The following CFAP221 variants were observed in gnomAD, a reference collection of about 807,000 sequenced individuals.
The protein encoded by CFAP221 is cilia- and flagella-associated protein 221.
Under a neutral mutation model 113.1 loss-of-function variants are expected in CFAP221, and 97 were observed. That is an observed-to-expected ratio of 0.86 (90% CI 0.73 to 1.02). The LOEUF (loss-of-function observed/expected upper bound fraction) is 1.02, where lower values mean the gene tolerates loss of function less well. Among genes scored for constraint, CFAP221 ranks in the 50% least tolerant of loss-of-function variants. CFAP221 has a pLI of 0.00. For synonymous variants in CFAP221, 331 were observed against 354.4 expected, an observed-to-expected ratio of 0.93 and a Z score of 0.74; for missense variants, 1,025 against 1,013.4, an observed-to-expected ratio of 1.01 and a Z score of -0.16.
chr2:119,563,073 G>C (rs1382289664), intron 6 of CFAP221, among the ~76,000 whole-genome samples: 2 of 152,182 alleles, frequency 1.3e-5, no homozygotes, highest in Admixed American at 1.3e-4. Context: ...AGGATTGCTA[G>C]AGCCGAGGAG....
At chr2:119,599,709 A>G (rs1684235392) in intron 7 of CFAP221, among the ~76,000 whole-genome samples, 1 of 152,012 alleles carries the variant, frequency 6.6e-6, no homozygotes, top group Non-Finnish European at 1.5e-5. Context: ...CTTTCCACCC[A>G]CTTGCTTCCC....
chr2:119,624,448 G>A (rs1448863600), intron 14 of CFAP221, among the ~76,000 whole-genome samples: 1 of 152,196 alleles, frequency 6.6e-6, no homozygotes, highest in African/African-American at 2.4e-5. Context: ...CAACCATTGT[G>A]GAAGACAGTG....
intron 19 of CFAP221, chr2:119,631,131 T>A: frequency 1.8e-6 from 2 of 1,124,354 alleles, no homozygotes; most frequent in East Asian, 6.8e-5. Flanking sequence ...TGATCTTTTC[T>A]AAATATCTAT....
At chr2:119,553,939 G>T (rs754872552) in intron 3 of CFAP221, among the ~76,000 whole-genome samples, 14 of 152,060 alleles carry the variant, frequency 9.2e-5, no homozygotes, top group African/African-American at 3.4e-4. Flanking sequence ...GAGTGGCAGA[G>T]GCTCATTAAT....
At chr2:119,631,124 T>G (rs1343761437) in intron 19 of CFAP221, 3 of 1,185,704 alleles carry the variant, frequency 2.5e-6, no homozygotes, top group Admixed American at 7.4e-5. Context: ...AATTTTATGA[T>G]CTTTTCTAAA....
chr2:119,559,781 C>T lies in CFAP221; in HGVS notation c.327+6C>T, dbSNP rs926899935. On this transcript the variant is annotated splice_donor_region_variant and intron_variant, in intron 4 of 23. Transcript: ENST00000413369. The stretch of plus-strand genomic sequence containing the variant: ...AGATCAATTATGTAAGAAAGGTAAG[C>T]GTCATTGGTTTACCTGTTCTCCCAC... 16 of 1,516,736 alleles carry T rather than the reference C, an allele frequency of 1.1e-5. No homozygotes were observed. Among genetic ancestry groups the T allele is most frequent in the Admixed American group, 9.8e-5 (5 of 50,952 alleles). 94.0% of individuals were successfully genotyped at this position (1,516,736 alleles called of 1,614,324 possible). A position where few individuals can be genotyped will look rare whatever the true frequency, so the allele number is the denominator to read the frequency against.
At chr2:119,649,823 A>G (rs1166148588) in intron 22 of CFAP221, among the ~76,000 whole-genome samples, 4 of 152,210 alleles carry the variant, frequency 2.6e-5, no homozygotes, top group African/African-American at 9.6e-5. Flanking sequence ...AAGAATTGCA[A>G]GAAAGAGGGG....
chr2:119,569,407 C>T (rs556093309), intron 6 of CFAP221, among the ~76,000 whole-genome samples: 17 of 144,918 alleles, frequency 1.2e-4, no homozygotes, highest in Admixed American at 2.1e-4. Flanking sequence ...TGTGAGCCAC[C>T]GCACCGGCCT....
At chr2:119,605,663 G>A (rs1312943705) in intron 11 of CFAP221, among the ~76,000 whole-genome samples, 2 of 152,160 alleles carry the variant, frequency 1.3e-5, no homozygotes, top group Non-Finnish European at 2.9e-5. Flanking sequence ...GAGGCCTTCT[G>A]GGTAGCCCAG....
intron 8 of CFAP221, 152 bp downstream of exon 8, chr2:119,601,529 C>A: frequency 1.4e-6 from 1 of 695,326 alleles, no homozygotes; most frequent in Non-Finnish European, 2.2e-6. Context: ...TAAAACATAA[C>A]AGAAATATAG....
intron 3 of CFAP221, among the ~76,000 whole-genome samples, chr2:119,558,049 T>C (rs1290428328): frequency 6.6e-6 from 1 of 151,996 alleles, no homozygotes. Context: ...AAAACCAGCT[T>C]ATGCACCCTT....
At chr2:119,610,482 G>A (rs1574126545) in intron 12 of CFAP221, among the ~76,000 whole-genome samples, 1 of 152,134 alleles carries the variant, frequency 6.6e-6, no homozygotes, top group African/African-American at 2.4e-5. Context: ...TCTTAATAAA[G>A]ATATAATAAA....
chr2:119,598,600 T>TG (rs1684153030), intron 7 of CFAP221, among the ~76,000 whole-genome samples: 1 of 152,156 alleles, frequency 6.6e-6, no homozygotes, highest in Non-Finnish European at 1.5e-5. Flanking sequence ...CAATTTGGGG[T>TG]GGGGGTTGCC....
chr2:119,604,314 G>C (rs1684569557), intron 8 of CFAP221, among the ~76,000 whole-genome samples: 1 of 152,024 alleles, frequency 6.6e-6, no homozygotes, highest in African/African-American at 2.4e-5. Flanking sequence ...CACGCATGTA[G>C]TCCCAGGTAT....
intron 14 of CFAP221, among the ~76,000 whole-genome samples, chr2:119,620,717 G>A (rs1165557600): frequency 6.6e-6 from 1 of 152,110 alleles, no homozygotes; most frequent in Non-Finnish European, 1.5e-5. Flanking sequence ...GCATCATAAT[G>A]ACAGGATCCA....
At position 119,608,497 on chromosome 2, in the gene CFAP221, C is replaced by G. The variant is rs1412301667; in HGVS notation, c.1134-5C>G. Reference sequence around the variant, plus strand: ...CTGGACACAGTTTTTTTTTTTTCTCCCCAGGCAGGTGCACCTTGGTAAAGA... The same window carrying G: ...CTGGACACAGTTTTTTTTTTTTCTCGCCAGGCAGGTGCACCTTGGTAAAGA... On this transcript the variant is annotated splice_polypyrimidine_tract_variant and splice_region_variant and intron_variant, in intron 11 of 23. Transcript: ENST00000413369. 9.5e-6 allele frequency: 15 copies of G among 1,575,622 alleles called. No individual in the cohort carries two copies. The highest frequency in any genetic ancestry group is 1.3e-5 in the Non-Finnish European group (15 of 1,163,532).
At chr2:119,634,517 T>C (rs1686995175) in intron 19 of CFAP221, among the ~76,000 whole-genome samples, 1 of 152,032 alleles carries the variant, frequency 6.6e-6, no homozygotes, top group Non-Finnish European at 1.5e-5. Flanking sequence ...ATATTAGCAC[T>C]CCTATGTTCA....
At chr2:119,576,448 T>A (rs1249549320) in intron 6 of CFAP221, among the ~76,000 whole-genome samples, 3 of 152,174 alleles carry the variant, frequency 2.0e-5, no homozygotes, top group African/African-American at 7.2e-5. Flanking sequence ...AGTGAAAACA[T>A]GCGGTATTTG....
chr2:119,548,698 TTGATC>T (rs1180634634), intron 2 of CFAP221, among the ~76,000 whole-genome samples: 1 of 152,242 alleles, frequency 6.6e-6, no homozygotes, highest in Non-Finnish European at 1.5e-5. Context: ...TTTGGATACT[TTGATC>T]TGGGTATTCA....
Sources: gnomAD v4.1 joint callset for allele counts (sites outside exome capture counted in the v4.1 genomes callset) on GRCh38, gnomAD v4.1.1 for gene constraint, MANE v1.5 for transcripts, NCBI Gene and HGNC (gene_info 2026-07-23, HGNC 2026-07-21) for gene names.